Variants in CBFB observed in about 807,000 individuals in gnomAD.
The protein encoded by CBFB is CBF-beta.
Under a neutral mutation model 30.4 loss-of-function variants are expected in CBFB, and 9 were observed. The observed-to-expected ratio is 0.30, with a 90% CI of 0.18 to 0.52. The LOEUF (loss-of-function observed/expected upper bound fraction) is 0.52. Among genes scored for constraint, CBFB ranks in the 20% least tolerant of loss-of-function variants. The pLI, the probability that CBFB is intolerant of heterozygous loss-of-function variation, is 0.97. For synonymous variants in CBFB, 94 were observed against 84.0 expected (o/e 1.12, Z -0.65); for missense variants, 170 against 244.0 (o/e 0.70, Z 2.02).
At chr16:67,073,682 C>T (rs1457996481) in intron 4 of CBFB, among the ~76,000 whole-genome samples, 2 of 152,026 alleles carry the variant, frequency 1.3e-5, no homozygotes, top group Non-Finnish European at 2.9e-5. Context: ...GTGGAGGTTG[C>T]GGTGAGCCGA....
rs762321075 is a variant in CBFB at position 67,082,257 on chromosome 16, A to G, written c.444A>G (p.Arg148=). The G allele has an allele frequency of 8.1e-6, 13 of 1,611,504 alleles. No individual in the cohort carries two copies. Among genetic ancestry groups the G allele is most frequent in the Non-Finnish European group, 3.4e-6 (4 of 1,178,076 alleles). Residue 148 remains arginine, a synonymous_variant, in exon 5 of 6, where the codon AGA becomes AGG. Coordinates refer to ENST00000412916, the MANE Select transcript of CBFB (RefSeq NM_022845.3). ...AACAGGCCTTTGAAGAGGCTCGGAG[A>G]AGGACACGCGAATTTGAAGATAGAG... is the stretch of plus-strand genomic sequence containing the variant. The part of the protein sequence containing the change: ...LAQQAFEEAR[R]RTREFEDRDR...
intron 5 of CBFB, among the ~76,000 whole-genome samples, chr16:67,091,226 CT>C (rs1961871384): frequency 6.6e-6 from 1 of 152,134 alleles, no homozygotes; most frequent in East Asian, 1.9e-4. Flanking sequence ...GAGCAATAGA[CT>C]TTATTAAGAT....
At chr16:67,032,788 A>G (rs1966373831) in intron 2 of CBFB, among the ~76,000 whole-genome samples, 1 of 152,256 alleles carries the variant, frequency 6.6e-6, no homozygotes, top group Admixed American at 6.5e-5. Context: ...AGCAGCCATA[A>G]ATGGCAAGGA....
intron 2 of CBFB, among the ~76,000 whole-genome samples, chr16:67,034,524 A>G (rs1039605390): frequency 2.6e-5 from 4 of 152,232 alleles, no homozygotes; most frequent in African/African-American, 7.2e-5. Context: ...CCATGGTCAC[A>G]TAAGTTTGGA....
At chr16:67,076,413 A>G (rs993132043) in intron 4 of CBFB, among the ~76,000 whole-genome samples, 3 of 152,154 alleles carry the variant, frequency 2.0e-5, no homozygotes, top group Non-Finnish European at 2.9e-5. Flanking sequence ...AAAAAACATC[A>G]CATGTTATAT....
chr16:67,055,269 A>G (rs932006620), intron 3 of CBFB, among the ~76,000 whole-genome samples: 2 of 149,212 alleles, frequency 1.3e-5, no homozygotes, highest in African/African-American at 4.9e-5. Context: ...CAGAAGTCTG[A>G]GTTTAGTATC....
chr16:67,032,592 A>C (rs576968929), intron 2 of CBFB, among the ~76,000 whole-genome samples: 194 of 152,324 alleles, frequency 1.3e-3, no homozygotes, highest in Non-Finnish European at 2.2e-3. Context: ...TAGAGACCTC[A>C]TTAATTTTGT....
At chr16:67,073,807 G>T (rs1428314507) in intron 4 of CBFB, among the ~76,000 whole-genome samples, 1 of 140,882 alleles carries the variant, frequency 7.1e-6, no homozygotes, top group African/African-American at 2.7e-5. Flanking sequence ...AAGCTGAGGC[G>T]GGCAAATCAC....
Position 67,029,325 on chromosome 16 carries a change from T to C in CBFB, c.-83T>C, listed in dbSNP as rs1302715097. On this transcript the variant is annotated 5_prime_UTR_variant, in exon 1 of 6. Coordinates refer to ENST00000412916, the MANE Select transcript of CBFB (RefSeq NM_022845.3). ...GCGTCCGGGCGCCGCGGGTGGGCGG[T>C]CAGTCGGTCAGCGCGGAGCCAGCCA... 59 of 938,512 alleles carry C rather than the reference T, an allele frequency of 6.3e-5. No homozygotes were observed. Among genetic ancestry groups the C allele is most frequent in the Middle Eastern group, 3.9e-4 (1 of 2,596 alleles). 58.1% of individuals were successfully genotyped at this position (938,512 alleles called of 1,614,324 possible).
chr16:67,047,358 A>G (rs1237829351), intron 3 of CBFB, among the ~76,000 whole-genome samples: 1 of 152,186 alleles, frequency 6.6e-6, no homozygotes, highest in Non-Finnish European at 1.5e-5. Flanking sequence ...TAAGAGGGAA[A>G]GGGCTGAGTC....
chr16:67,082,020 T>A, intron 4 of CBFB, 193 bp from the exon 5 acceptor site: 1 of 286,084 alleles, frequency 3.5e-6, no homozygotes, highest in South Asian at 7.8e-5. Flanking sequence ...GGTTTCACCA[T>A]GTTGGTCAGG....
At chr16:67,058,106 C>T (rs915293861) in intron 3 of CBFB, among the ~76,000 whole-genome samples, 1 of 152,044 alleles carries the variant, frequency 6.6e-6, no homozygotes, top group African/African-American at 2.4e-5. Flanking sequence ...ATGAATATGA[C>T]ATCACACTAG....
At position 67,049,321 on chromosome 16, in the gene CBFB, A is replaced by G. The variant is rs1196446244; in HGVS notation, c.282+12566A>G. On this transcript the variant is annotated intron_variant, in intron 3 of 5. Coordinates refer to ENST00000412916, the MANE Select transcript of CBFB (RefSeq NM_022845.3). ...CGGATTCAAGCTATTCTCCTGCCTC[A>G]GCCTCCTGAGTAGCTGGGATTACAG... Among the ~76,000 whole-genome samples, 3 of 152,168 alleles carry G rather than the reference A, an allele frequency of 2.0e-5. No individual in the cohort carries two copies. The South Asian group carries it at 6.2e-4, about 32-fold the overall frequency.
chr16:67,029,494 G>T lies in CBFB; in HGVS notation c.78+9G>T. ...TGAGCCGCGAGTGTGAGGTGAGGCA[G>T]GCGGGCGGGCGGCTAGGAGGCCGCA... is the stretch of plus-strand genomic sequence containing the variant. On this transcript the variant is annotated intron_variant, in intron 1 of 5. Coordinates refer to ENST00000412916, the MANE Select transcript of CBFB (RefSeq NM_022845.3). 1 of 1,581,638 alleles carries T rather than the reference G, an allele frequency of 6.3e-7. No homozygotes were observed. The highest frequency in any genetic ancestry group is 8.6e-7 in the Non-Finnish European group (1 of 1,165,694).
intron 3 of CBFB, among the ~76,000 whole-genome samples, chr16:67,065,931 G>T (rs2145749890): frequency 6.6e-6 from 1 of 152,202 alleles, no homozygotes; most frequent in Middle Eastern, 3.4e-3. Flanking sequence ...CCATATAAAG[G>T]ATAGCAGTGT....
chr16:67,077,384 G>A (rs1328675121), intron 4 of CBFB, among the ~76,000 whole-genome samples: 7 of 152,152 alleles, frequency 4.6e-5, no homozygotes, highest in South Asian at 2.1e-4. Context: ...ATGAAGCAAC[G>A]TATAAACAGC....
chr16:67,029,635 C>T (rs1047866679), intron 1 of CBFB, 92 bp from the exon 2 acceptor site: 15 of 1,365,988 alleles, frequency 1.1e-5, no homozygotes, highest in African/African-American at 4.5e-5. Flanking sequence ...CCCGCAGCCT[C>T]TGCTTGCCCT....
At chr16:67,029,577 C>T (rs947157440) in intron 1 of CBFB, 92 bp downstream of exon 1, 134 of 1,387,210 alleles carry the variant, frequency 9.7e-5, no homozygotes, top group Non-Finnish European at 1.2e-4. Flanking sequence ...CCCCGGGAGT[C>T]CCGGTCGGTG....
Position 67,082,224 on chromosome 16 carries a change from A to G in CBFB, c.411A>G (p.Ala137=), listed in dbSNP as rs137943235. 5.0e-6 allele frequency: 8 copies of G among 1,602,210 alleles called. No homozygotes were observed. The African/African-American group carries it at 9.4e-5, about 19-fold the overall frequency. ...FDEERAQQED[A]LAQQAFEEAR... is the part of the protein sequence containing the mutation. ...ATGTATTCTGACAGCAGGAGGATGC[A>G]TTAGCACAACAGGCCTTTGAAGAGG... Residue 137 remains alanine, a synonymous_variant, in exon 5 of 6, where the codon GCA becomes GCG. Transcript: ENST00000412916.
Sources: allele counts gnomAD v4.1 joint callset (sites outside exome capture counted in the v4.1 genomes callset), GRCh38; gene constraint gnomAD v4.1.1; transcripts MANE v1.5; gene names NCBI Gene and HGNC (gene_info 2026-07-23, HGNC 2026-07-21).